The following LATS2 variants were observed in gnomAD, a reference collection of about 807,000 sequenced individuals.
The protein encoded by LATS2 is serine/threonine-protein kinase LATS2.
Under a neutral mutation model 76.0 loss-of-function variants are expected in LATS2, and 24 were observed. The ratio of observed to expected loss-of-function variants is 0.32; its 90% CI spans 0.23 to 0.44. The LOEUF (loss-of-function observed/expected upper bound fraction) is 0.44, where lower values mean the gene tolerates loss of function less well. LATS2 is among the 20% of genes least tolerant of loss of function. The probability of loss-of-function intolerance (pLI) is 1.00; values close to 1 mark genes in which losing one functional copy is unlikely to be tolerated. For missense variants in LATS2, 1,286 were observed against 1,481.2 expected (o/e 0.87, Z 2.16); for synonymous variants, 692 against 635.4 (o/e 1.09, Z -1.34).
chr13:21,052,918 G>A (rs192076191), intron 1 of LATS2, among the ~76,000 whole-genome samples: 1 of 152,070 alleles, frequency 6.6e-6, no homozygotes, highest in African/African-American at 2.4e-5. Flanking sequence ...TCCCCAACCT[G>A]CAAAACCTTT....
chr13:21,015,875 T>G (rs1412494999), intron 2 of LATS2, among the ~76,000 whole-genome samples: 3 of 151,498 alleles, frequency 2.0e-5, no homozygotes, highest in Non-Finnish European at 2.9e-5. Context: ...AATTTTTGTA[T>G]TTTTGTAGAC....
intron 7 of LATS2, among the ~76,000 whole-genome samples, chr13:20,975,612 A>C (rs1257092135): frequency 2.0e-5 from 3 of 152,220 alleles, no homozygotes; most frequent in African/African-American, 7.2e-5. Flanking sequence ...TTCTTCTATC[A>C]GAAATACTGT....
rs535220198 is a variant in LATS2 at position 20,989,388 on chromosome 13, C to T, written c.476-84G>A. 7 of 1,441,882 alleles carry T rather than the reference C, an allele frequency of 4.9e-6. No homozygotes were observed. The Admixed American group carries it at 5.4e-5, about 11-fold the overall frequency. The allele number at this position is 1,441,882 out of a possible 1,614,324, so 89.3% of individuals were successfully genotyped here. Reference sequence around the variant, plus strand: ...ACTTCCAGGCTGGTCCCCACTCTAGCGCTGCCCTCGGGGCTGAGGGTCTTG... The same window carrying T: ...ACTTCCAGGCTGGTCCCCACTCTAGTGCTGCCCTCGGGGCTGAGGGTCTTG... On this transcript the variant is annotated intron_variant, in intron 3 of 7. Coordinates refer to ENST00000382592, the MANE Select transcript of LATS2 (RefSeq NM_014572.3).
chr13:21,002,181 G>C (rs927520461), intron 2 of LATS2, among the ~76,000 whole-genome samples: 1 of 151,884 alleles, frequency 6.6e-6, no homozygotes, highest in African/African-American at 2.4e-5. Flanking sequence ...CTAAAGTGCT[G>C]GGATTACACG....
intron 1 of LATS2, among the ~76,000 whole-genome samples, chr13:21,054,505 C>T (rs58414912): frequency 4.6e-5 from 7 of 152,138 alleles, no homozygotes; most frequent in Admixed American, 2.6e-4. Flanking sequence ...AAAGTCTCCA[C>T]GTGAAGTCCA....
chr13:21,035,369 A>G (rs1872656864), intron 2 of LATS2, among the ~76,000 whole-genome samples: 1 of 152,006 alleles, frequency 6.6e-6, no homozygotes, highest in Non-Finnish European at 1.5e-5. Context: ...TTTTTCCCCT[A>G]TTTACATCCT....
rs1170332324 is a variant in LATS2 at position 20,988,963 on chromosome 13, G to A, written c.817C>T (p.Pro273Ser). 3 of 1,538,398 alleles carry A rather than the reference G, an allele frequency of 2.0e-6. No individual in the cohort carries two copies. Among genetic ancestry groups the A allele is most frequent in the Middle Eastern group, 1.9e-4 (1 of 5,294 alleles). ...GGCGGCGTCTTGCTCTGGAAGGAGG[G>A]GCTGCGCTGCACTCCGTAGCCCAGG... is the stretch of plus-strand genomic sequence containing the variant. The part of the protein sequence containing the change: ...EPLGYGVQRS[P>S]SFQSKTPPET... The change falls in exon 4 of 8, where the codon CCC becomes TCC. Residue 273 changes from proline (P) to serine (S), a missense_variant. By Grantham distance (74) the Pro-to-Ser change is moderately conservative. Transcript: ENST00000382592.
chr13:21,043,411 A>T (rs930224216), intron 2 of LATS2, among the ~76,000 whole-genome samples: 1 of 152,140 alleles, frequency 6.6e-6, no homozygotes, highest in African/African-American at 2.4e-5. Context: ...CTCTAAAGGT[A>T]CGGTTATCTT....
intron 1 of LATS2, among the ~76,000 whole-genome samples, chr13:21,059,117 CCATT>C: frequency 6.6e-6 from 1 of 152,244 alleles, no homozygotes; most frequent in East Asian, 1.9e-4. Context: ...TTGTGATTTC[CCATT>C]CAAATTTCAG....
At chr13:21,012,008 C>T (rs928495850) in intron 2 of LATS2, among the ~76,000 whole-genome samples, 3 of 152,210 alleles carry the variant, frequency 2.0e-5, no homozygotes, top group Non-Finnish European at 4.4e-5. Context: ...GCAAACTCCA[C>T]ACAGTGGCCC....
intron 1 of LATS2, among the ~76,000 whole-genome samples, chr13:21,047,135 C>T (rs537091174): frequency 5.3e-5 from 8 of 152,314 alleles, no homozygotes; most frequent in South Asian, 2.1e-4. Flanking sequence ...GCCTCGTTCA[C>T]GGCCTACTCT....
intron 2 of LATS2, among the ~76,000 whole-genome samples, chr13:21,031,656 C>A (rs1872532922): frequency 6.6e-6 from 1 of 151,994 alleles, no homozygotes; most frequent in African/African-American, 2.4e-5. Context: ...CCTAGGAGTT[C>A]GAGACCAGCC....
chr13:20,982,510 C>T (rs1869937378), intron 5 of LATS2, among the ~76,000 whole-genome samples: 1 of 152,016 alleles, frequency 6.6e-6, no homozygotes, highest in Non-Finnish European at 1.5e-5. Context: ...GGGGTTTCTC[C>T]ACGTTGGTCA....
At chr13:21,012,398 G>GT (rs997234857) in intron 2 of LATS2, among the ~76,000 whole-genome samples, 1 of 152,158 alleles carries the variant, frequency 6.6e-6, no homozygotes, top group African/African-American at 2.4e-5. Flanking sequence ...ACATGCGTAA[G>GT]TAAGAGTTGG....
chr13:21,014,166 A>G (rs1038082265), intron 2 of LATS2, among the ~76,000 whole-genome samples: 2 of 152,152 alleles, frequency 1.3e-5, no homozygotes, highest in African/African-American at 4.8e-5. Flanking sequence ...ACAGGGTAAT[A>G]TGAGTCGGGG....
At position 20,991,137 on chromosome 13, in the gene LATS2, T is replaced by C. The variant is rs1184722475; in HGVS notation, c.475+135A>G. ...CAGGGCAGGGCAGGCTCAGCTTGCCTGTTAACTGAATGAGGCAATGTGCCA... is the reference window on the plus strand; with the variant it reads ...CAGGGCAGGGCAGGCTCAGCTTGCCCGTTAACTGAATGAGGCAATGTGCCA... On this transcript the variant is annotated intron_variant, in intron 3 of 7. Coordinates refer to ENST00000382592, the MANE Select transcript of LATS2 (RefSeq NM_014572.3). This position sits in a 1 kb window ranked among gnomAD's most constrained non-coding sequence, Gnocchi z 4.9. The C allele has an allele frequency of 1.8e-6, 2 of 1,139,512 alleles. No individual in the cohort carries two copies. Among genetic ancestry groups the C allele is most frequent in the African/African-American group, 1.5e-5 (1 of 64,790 alleles). The allele number at this position is 1,139,512 out of a possible 1,614,324, so 70.6% of individuals were successfully genotyped here.
Position 20,988,513 on chromosome 13 carries a change from C to G in LATS2, c.1267G>C (p.Glu423Gln), listed in dbSNP as rs748829851. 7.7e-6 allele frequency: 12 copies of G among 1,560,442 alleles called. No homozygotes were observed. Among genetic ancestry groups the G allele is most frequent in the Non-Finnish European group, 8.6e-6 (10 of 1,161,594 alleles). Residue 423 changes from glutamate (E) to glutamine (Q), a missense_variant, in exon 4 of 8, where the codon GAG (glutamate) becomes CAG (glutamine). Around this residue, in one of 5 missense-constraint regions of LATS2, gnomAD observed 710 missense variants for 660.9 expected, o/e 1.07. Transcript: ENST00000382592. ...GTGTTGGGGGCGGGCAGGGAGGGCT[C>G]GGCCTTGCCAGGCGGACCGGGCCGC... ...QPRPGPPGKAEPSLPAPNTVT... is the reference protein window; with the variant it reads ...QPRPGPPGKAQPSLPAPNTVT...
intron 2 of LATS2, among the ~76,000 whole-genome samples, chr13:20,992,027 A>C (rs1870530042): frequency 6.6e-6 from 1 of 152,206 alleles, no homozygotes; most frequent in Non-Finnish European, 1.5e-5. Flanking sequence ...GCTTGTGGGA[A>C]GAACACAGGG....
intron 2 of LATS2, among the ~76,000 whole-genome samples, chr13:21,019,237 C>T (rs1183029339): frequency 2.0e-5 from 3 of 152,016 alleles, no homozygotes; most frequent in African/African-American, 7.2e-5. Context: ...CAACATACAG[C>T]TGAAAGGTTT....
Sources: gnomAD v4.1 joint callset for allele counts (sites outside exome capture counted in the v4.1 genomes callset) on GRCh38, gnomAD v4.1.1 for gene constraint, gnomAD v4.1.1 regional missense constraint, Gnocchi (gnomAD v3.1) non-coding constraint, MANE v1.5 for transcripts, NCBI Gene and HGNC (gene_info 2026-07-23, HGNC 2026-07-21) for gene names.